The following ATXN1 variants were observed in gnomAD, a reference collection of about 807,000 sequenced individuals.
The protein encoded by ATXN1 is ataxin-1.
In ATXN1, 8 loss-of-function variants were observed where a neutral mutation model predicts 56.4. The observed-to-expected ratio is 0.14, with a 90% CI of 0.08 to 0.26. The LOEUF is 0.26. ATXN1 is among the 10% of genes least tolerant of loss of function. ATXN1 has a pLI of 1.00. For synonymous variants in ATXN1, 514 were observed against 494.6 expected (o/e 1.04, Z -0.52); for missense variants, 987 against 1,106.5 (o/e 0.89, Z 1.53).
chr6:16,422,477 A>G (rs1361938477), intron 6 of ATXN1, among the ~76,000 whole-genome samples: 1 of 152,162 alleles, frequency 6.6e-6, no homozygotes, highest in Non-Finnish European at 1.5e-5. Context: ...TGACTTGAAA[A>G]GTTCACCCTT....
chr6:16,749,347 C>A (rs928309352), intron 2 of ATXN1, among the ~76,000 whole-genome samples: 1 of 152,132 alleles, frequency 6.6e-6, no homozygotes, highest in Non-Finnish European at 1.5e-5. Flanking sequence ...ACGTACAGGG[C>A]TTCACTGAAA....
At chr6:16,673,020 CAA>C (rs559212594) in intron 2 of ATXN1, among the ~76,000 whole-genome samples, 11 of 105,520 alleles carry the variant, frequency 1.0e-4, no homozygotes, top group Middle Eastern at 4.9e-3. Flanking sequence ...TCCCCCCCGC[CAA>C]AAAAAAAAAA....
chr6:16,536,058 A>G (rs1277962297), intron 4 of ATXN1, among the ~76,000 whole-genome samples: 7 of 152,032 alleles, frequency 4.6e-5, no homozygotes, highest in Non-Finnish European at 8.8e-5. Context: ...ACCAAAAACC[A>G]AAAACCAAAT....
At chr6:16,401,037 G>C (rs1758559169) in intron 6 of ATXN1, among the ~76,000 whole-genome samples, 1 of 152,122 alleles carries the variant, frequency 6.6e-6, no homozygotes, top group African/African-American at 2.4e-5. Flanking sequence ...TTTTTAAAAA[G>C]ATTAGAAAAC....
intron 4 of ATXN1, among the ~76,000 whole-genome samples, chr6:16,575,468 G>T (rs1219129431): frequency 2.0e-5 from 3 of 152,150 alleles, no homozygotes; most frequent in South Asian, 4.1e-4. Context: ...TTATAATCCA[G>T]CATTTATTTC....
At chr6:16,422,944 A>C (rs1403113227) in intron 6 of ATXN1, among the ~76,000 whole-genome samples, 1 of 152,270 alleles carries the variant, frequency 6.6e-6, no homozygotes, top group Non-Finnish European at 1.5e-5. Flanking sequence ...CTTTATTTTC[A>C]GTAAGGTGCT....
intron 6 of ATXN1, among the ~76,000 whole-genome samples, chr6:16,444,090 T>C (rs1759584218): frequency 1.4e-5 from 2 of 145,198 alleles, no homozygotes; most frequent in South Asian, 4.4e-4. Flanking sequence ...CATTCCAGCC[T>C]GGGCGACAGA....
intron 6 of ATXN1, among the ~76,000 whole-genome samples, chr6:16,350,332 GA>G (rs961635821): frequency 1.3e-5 from 2 of 152,022 alleles, no homozygotes; most frequent in African/African-American, 2.4e-5. Flanking sequence ...CCTAGCATAA[GA>G]AAAAAAATCC....
At chr6:16,724,093 G>A (rs947977303) in intron 2 of ATXN1, among the ~76,000 whole-genome samples, 3 of 152,144 alleles carry the variant, frequency 2.0e-5, no homozygotes, top group Non-Finnish European at 4.4e-5. Context: ...TGGAAGTTCA[G>A]CCCAATCAGC....
chr6:16,313,372 G>GC (rs1645319016), intron 7 of ATXN1, among the ~76,000 whole-genome samples: 1 of 152,114 alleles, frequency 6.6e-6, no homozygotes, highest in Admixed American at 6.6e-5. Context: ...GTGTGCCAGA[G>GC]CAAGACTCTG....
At position 16,306,108 on chromosome 6, in the gene ATXN1, G is replaced by T; in HGVS notation, c.*221C>A. 2 of 478,994 alleles carry T rather than the reference G, an allele frequency of 4.2e-6. No individual in the cohort carries two copies. The highest frequency in any genetic ancestry group is 7.3e-6 in the Non-Finnish European group (2 of 275,410). The allele number at this position is 478,994 out of a possible 1,614,324, so 29.7% of individuals were successfully genotyped here. Reference sequence around the variant, plus strand: ...GATGCCTGGAGCCCTGACCGCTCCTGCTGTGCCCTTCCTCCCGCCCGCTCA... The same window carrying T: ...GATGCCTGGAGCCCTGACCGCTCCTTCTGTGCCCTTCCTCCCGCCCGCTCA... On this transcript the variant is annotated 3_prime_UTR_variant, in exon 8 of 8. Transcript: ENST00000436367. This position sits in a 1 kb window ranked among gnomAD's most constrained non-coding sequence, Gnocchi z 5.2.
In ATXN1 at chr6:16,392,336, T is replaced by G. The variant is rs190317739; in HGVS notation, c.-160-63866A>C. 9.7e-3 allele frequency among the ~76,000 whole-genome samples: 1,472 copies of G among 152,322 alleles called. 13 individuals are homozygous for G. Among genetic ancestry groups the G allele is most frequent in the Non-Finnish European group, 0.014 (931 of 68,028 alleles). On this transcript the variant is annotated intron_variant, in intron 6 of 7. Coordinates refer to ENST00000436367, the MANE Select transcript of ATXN1 (RefSeq NM_001128164.2). ...CAGAAACAGGCTAGTCTTAACAATCTTTTAGACCTGACCTTAGTAGCAAAC... is the reference window on the plus strand; with the variant it reads ...CAGAAACAGGCTAGTCTTAACAATCGTTTAGACCTGACCTTAGTAGCAAAC...
intron 4 of ATXN1, among the ~76,000 whole-genome samples, chr6:16,560,417 G>A (rs1294918034): frequency 6.6e-6 from 1 of 151,570 alleles, no homozygotes. Flanking sequence ...TAGCAAGAGC[G>A]AAACTCCACC....
intron 2 of ATXN1, among the ~76,000 whole-genome samples, chr6:16,684,873 AAGG>A (rs1206499527): frequency 6.6e-6 from 1 of 151,632 alleles, no homozygotes; most frequent in Non-Finnish European, 1.5e-5. Flanking sequence ...TTGAAGAATT[AAGG>A]ATTCTTCATT....
rs1223617152 is a variant in ATXN1 at position 16,760,478 on chromosome 6, C to T, written c.-730+820G>A. On this transcript the variant is annotated intron_variant, in intron 1 of 7. Coordinates refer to ENST00000436367, the MANE Select transcript of ATXN1 (RefSeq NM_001128164.2). The surrounding 1 kb of genome is among the most constrained non-coding windows in gnomAD (Gnocchi z 5.3). ...ACCAACAGGGCGGCGGTGGCGGCGG[C>T]GGCCAGGGCCGTCACCGCCACTCCA... Among the ~76,000 whole-genome samples, 5 of 150,672 alleles carry T rather than the reference C, an allele frequency of 3.3e-5. No individual in the cohort carries two copies. The highest frequency in any genetic ancestry group is 1.2e-4 in the African/African-American group (5 of 41,178).
chr6:16,692,246 ACT>A (rs1759063463), intron 2 of ATXN1, among the ~76,000 whole-genome samples: 1 of 152,140 alleles, frequency 6.6e-6, no homozygotes, highest in Non-Finnish European at 1.5e-5. Flanking sequence ...ACTGAGCGAG[ACT>A]CTGCAAATAT....
intron 4 of ATXN1, among the ~76,000 whole-genome samples, chr6:16,575,482 A>T (rs9477173): frequency 0.014 from 2,194 of 152,184 alleles, 66 homozygotes; most frequent in African/African-American, 0.049. Flanking sequence ...TTATTTCCTT[A>T]CCCAGTTATT....
chr6:16,509,110 G>C (rs952271736), intron 5 of ATXN1, among the ~76,000 whole-genome samples: 1 of 152,032 alleles, frequency 6.6e-6, no homozygotes, highest in African/African-American at 2.4e-5. Context: ...AGGGGGAAGG[G>C]GGAAGGGGGA....
chr6:16,337,718 C>A (rs1211010961), intron 6 of ATXN1, among the ~76,000 whole-genome samples: 1 of 152,254 alleles, frequency 6.6e-6, no homozygotes, highest in Non-Finnish European at 1.5e-5. Flanking sequence ...TGTTTATCCA[C>A]CACTCTGGTT....
Sources: allele counts gnomAD v4.1 joint callset (sites outside exome capture counted in the v4.1 genomes callset), GRCh38; gene constraint gnomAD v4.1.1; non-coding constraint Gnocchi (gnomAD v3.1); transcripts MANE v1.5; gene names NCBI Gene and HGNC (gene_info 2026-07-23, HGNC 2026-07-21).